The following BRD4 variants were observed in gnomAD, a reference collection of about 807,000 sequenced individuals.
BRD4 encodes the protein bromodomain containing 4.
A neutral mutation model predicts 142.1 loss-of-function variants in BRD4; 16 were observed. That is an observed-to-expected ratio of 0.11 (90% CI 0.08 to 0.17). The LOEUF is 0.17. BRD4 is among the 10% of genes least tolerant of loss of function. The pLI, the probability that BRD4 is intolerant of heterozygous loss-of-function variation, is 1.00. For synonymous variants in BRD4, 833 were observed against 707.5 expected (o/e 1.18, Z -2.82); for missense variants, 1,424 against 1,810.9 (o/e 0.79, Z 3.88).
intron 1 of BRD4, among the ~76,000 whole-genome samples, chr19:15,321,937 T>C (rs888389614): frequency 6.6e-6 from 1 of 152,160 alleles, no homozygotes; most frequent in African/African-American, 2.4e-5. Flanking sequence ...TAAAGATCCA[T>C]GCTTTCACCT....
chr19:15,329,899 G>A (rs931414148), intron 1 of BRD4, among the ~76,000 whole-genome samples: 2 of 152,094 alleles, frequency 1.3e-5, no homozygotes, highest in African/African-American at 4.8e-5. Flanking sequence ...GCTCAAAAAG[G>A]CAACTTTTAG....
chr19:15,319,702 C>G (rs1198027171), intron 1 of BRD4, among the ~76,000 whole-genome samples: 1 of 152,154 alleles, frequency 6.6e-6, no homozygotes, highest in Non-Finnish European at 1.5e-5. Context: ...GAGGCCTAAG[C>G]AGATGAACTG....
chr19:15,259,358 A>C (rs1045482507), intron 7 of BRD4, among the ~76,000 whole-genome samples: 2 of 152,180 alleles, frequency 1.3e-5, no homozygotes, highest in Non-Finnish European at 2.9e-5. Context: ...TCAAGACTTG[A>C]GGATGTCCTT....
intron 1 of BRD4, among the ~76,000 whole-genome samples, chr19:15,285,073 T>C (rs1258700469): frequency 6.6e-6 from 1 of 152,208 alleles, no homozygotes; most frequent in Non-Finnish European, 1.5e-5. Flanking sequence ...CCCTGGGTGC[T>C]GTGCCACAAG....
Position 15,244,414 on chromosome 19 carries a change from A to G in BRD4, c.2398T>C (p.Phe800Leu), listed in dbSNP as rs2145516158. ...APAMKSSPPP[F>L]IATQVPVLEP... ...AGGACGGGCACCTGGGTGGCAATGA[A>G]GGGTGGGGGCGAGGACTTCATCGCC... is the stretch of plus-strand genomic sequence containing the variant. The change falls in exon 13 of 20, where the codon TTC becomes CTC. Residue 800 changes from phenylalanine (F) to leucine (L), a missense_variant. This residue lies in a region of BRD4 where 598 missense variants were observed against 647.8 expected (regional missense o/e 0.92). Transcript: ENST00000679869. The G allele has an allele frequency of 7.7e-7, 1 of 1,301,462 alleles. No individual in the cohort carries two copies. Among genetic ancestry groups the G allele is most frequent in the Non-Finnish European group, 1.0e-6 (1 of 1,004,746 alleles). The allele number at this position is 1,301,462 out of a possible 1,614,324, so 80.6% of individuals were successfully genotyped here. A position where few individuals can be genotyped will look rare whatever the true frequency, so the allele number is the denominator to read the frequency against.
intron 1 of BRD4, among the ~76,000 whole-genome samples, chr19:15,302,035 C>T (rs373521798): frequency 1.2e-3 from 188 of 151,756 alleles, no homozygotes; most frequent in African/African-American, 3.8e-3. Context: ...GACATGGTGG[C>T]GCAGGCCTGT....
chr19:15,247,317 G>C (rs1233914056), intron 11 of BRD4: 2 of 231,578 alleles, frequency 8.6e-6, no homozygotes, highest in Non-Finnish European at 1.7e-5. Context: ...TCGAGGCCCG[G>C]CTGGCACTTC....
chr19:15,278,543 CAAAAAAAAA>C lies in BRD4; in HGVS notation c.-34-5419_-34-5411del, dbSNP rs1235423521. Among the ~76,000 whole-genome samples, 5 of 74,892 alleles carry C rather than the reference CAAAAAAAAA, an allele frequency of 6.7e-5. No individual in the cohort carries two copies. In the East Asian group the frequency reaches 1.4e-3, roughly 22 times the overall value. 49.1% of individuals were successfully genotyped at this position (74,892 alleles called of 152,430 possible). ...AAGCAAGACTCTGCCCAACCCCCGCCAAAAAAAAAAAAAAAAAAAAAGAAATAACTATGG... is the reference window on the plus strand; with the variant it reads ...AAGCAAGACTCTGCCCAACCCCCGCCAAAAAAAAAAAAGAAATAACTATGG... On this transcript the variant is annotated intron_variant, in intron 1 of 19. Coordinates refer to ENST00000679869, the MANE Select transcript of BRD4 (RefSeq NM_001379291.1).
At chr19:15,254,832 G>A (rs937561567) in intron 10 of BRD4, among the ~76,000 whole-genome samples, 4 of 152,176 alleles carry the variant, frequency 2.6e-5, no homozygotes, top group Admixed American at 2.0e-4. Context: ...AGGCCAGGAT[G>A]AGCTGTGTGA....
chr19:15,279,464 A>C (rs1267048301), intron 1 of BRD4, among the ~76,000 whole-genome samples: 1 of 152,220 alleles, frequency 6.6e-6, no homozygotes, highest in Admixed American at 6.5e-5. Context: ...ATCAAGTCAT[A>C]GTTCTCTCCA....
At chr19:15,279,158 A>C (rs1397394507) in intron 1 of BRD4, among the ~76,000 whole-genome samples, 2 of 152,220 alleles carry the variant, frequency 1.3e-5, no homozygotes, top group African/African-American at 4.8e-5. Context: ...CCTGTTTTCA[A>C]AGATGTTCTT....
chr19:15,256,178 T>C lies in BRD4; in HGVS notation c.1637A>G (p.Lys546Arg). Residue 546 changes from lysine to arginine, a missense_variant, in exon 9 of 20, where the codon AAG becomes AGG. Physicochemically the swap from Lys to Arg is conservative, Grantham distance 26. Transcript: ENST00000679869. ...TTTCCTTTTGTGCTTTTCTTTTTTC[T>C]TTTCCTTCTTGTCTTTCTCCTTTTT... The part of the protein sequence containing the change: ...PKKKEKDKKE[K>R]KKEKHKRKEE... 6.2e-7 allele frequency: 1 copy of C among 1,612,912 alleles called. No homozygotes were observed. Among genetic ancestry groups the C allele is most frequent in the Non-Finnish European group, 8.5e-7 (1 of 1,179,994 alleles).
At chr19:15,329,733 T>C (rs931653242) in intron 1 of BRD4, among the ~76,000 whole-genome samples, 1 of 151,998 alleles carries the variant, frequency 6.6e-6, no homozygotes, top group African/African-American at 2.4e-5. Flanking sequence ...CTTCAGACTC[T>C]CTCAAAAAAA....
intron 11 of BRD4, among the ~76,000 whole-genome samples, chr19:15,250,848 G>A (rs2047336232): frequency 6.6e-6 from 1 of 152,182 alleles, no homozygotes; most frequent in Admixed American, 6.5e-5. Context: ...TGACAGCAAA[G>A]CCACAGTACT....
intron 2 of BRD4, among the ~76,000 whole-genome samples, chr19:15,271,938 C>T (rs1162392653): frequency 6.6e-6 from 1 of 152,056 alleles, no homozygotes; most frequent in Non-Finnish European, 1.5e-5. Context: ...TGTGCACACA[C>T]CAGTGGCTCT....
At chr19:15,270,806 A>C (rs1308856594) in intron 2 of BRD4, among the ~76,000 whole-genome samples, 1 of 152,160 alleles carries the variant, frequency 6.6e-6, no homozygotes, top group Non-Finnish European at 1.5e-5. Flanking sequence ...CTCCTGATCA[A>C]GCATCCCCTT....
Position 15,238,591 on chromosome 19 carries a change from G to A in BRD4, c.4021-146C>T, listed in dbSNP as rs1351232237. 2 of 1,495,648 alleles carry A rather than the reference G, an allele frequency of 1.3e-6. No individual in the cohort carries two copies. The highest frequency in any genetic ancestry group is 1.4e-5 in the African/African-American group (1 of 71,196). The allele number at this position is 1,495,648 out of a possible 1,614,324, so 92.6% of individuals were successfully genotyped here. ...GCTCACCCCGTCCACACAGCACTCA[G>A]GGCCCTACAGCTGAGTCCAGAGGAC... On this transcript the variant is annotated intron_variant, in intron 19 of 19. Transcript: ENST00000679869. The surrounding 1 kb of genome is among the most constrained non-coding windows in gnomAD (Gnocchi z 7.2).
At chr19:15,275,850 G>C (rs1037358973) in intron 1 of BRD4, 3 of 152,032 alleles carry the variant, frequency 2.0e-5, no homozygotes, top group Non-Finnish European at 4.4e-5. Context: ...CTACTAAAAA[G>C]ACAAAAAATT....
intron 1 of BRD4, among the ~76,000 whole-genome samples, chr19:15,312,039 G>C (rs1369704309): frequency 6.6e-6 from 1 of 152,188 alleles, no homozygotes; most frequent in Non-Finnish European, 1.5e-5. Flanking sequence ...AAAATGGTTA[G>C]GATGTTGCAT....
Sources: allele counts gnomAD v4.1 joint callset (sites outside exome capture counted in the v4.1 genomes callset), GRCh38; gene constraint gnomAD v4.1.1; regional missense constraint gnomAD v4.1.1; non-coding constraint Gnocchi (gnomAD v3.1); transcripts MANE v1.5; gene names NCBI Gene and HGNC (gene_info 2026-07-23, HGNC 2026-07-21).